BCL9: variants seen among roughly 807,000 people sequenced by gnomAD.
The protein encoded by BCL9 is BCL9 transcription coactivator, also known as B-cell CLL/lymphoma 9 protein.
Under a neutral mutation model 88.5 loss-of-function variants are expected in BCL9, and 25 were observed. The observed-to-expected ratio is 0.28, with a 90% CI of 0.21 to 0.39. The LOEUF (loss-of-function observed/expected upper bound fraction) is 0.39, where lower values mean the gene tolerates loss of function less well. Among genes scored for constraint, BCL9 ranks in the 10% least tolerant of loss-of-function variants. The pLI, the probability that BCL9 is intolerant of heterozygous loss-of-function variation, is 1.00. For missense variants in BCL9, 1,817 were observed against 1,877.8 expected (o/e 0.97, Z 0.60); for synonymous variants, 711 against 673.3 (o/e 1.06, Z -0.87).
At chr1:147,608,681 GA>G (rs1274032581) in intron 3 of BCL9, among the ~76,000 whole-genome samples, 1 of 152,192 alleles carries the variant, frequency 6.6e-6, no homozygotes, top group Non-Finnish European at 1.5e-5. Context: ...AGGAGACGTA[GA>G]AGGTATTTTG....
chr1:147,543,954 C>T (rs1476086816), intron 1 of BCL9, among the ~76,000 whole-genome samples: 2 of 152,184 alleles, frequency 1.3e-5, no homozygotes, highest in East Asian at 3.9e-4. Flanking sequence ...CTGCTCATGT[C>T]ATCAAATGGT....
At chr1:147,602,655 T>C (rs1446832886) in intron 1 of BCL9, among the ~76,000 whole-genome samples, 1 of 152,132 alleles carries the variant, frequency 6.6e-6, no homozygotes, top group Non-Finnish European at 1.5e-5. Flanking sequence ...ATGATAATGG[T>C]TTCAAAAGAG....
chr1:147,579,106 T>C (rs923074779), intron 1 of BCL9, among the ~76,000 whole-genome samples: 2 of 152,156 alleles, frequency 1.3e-5, no homozygotes, highest in Admixed American at 1.3e-4. Context: ...CCTCAAGTGA[T>C]CCACCTGCCT....
chr1:147,571,252 A>C (rs1290502399), intron 1 of BCL9, among the ~76,000 whole-genome samples: 1 of 151,952 alleles, frequency 6.6e-6, no homozygotes, highest in Non-Finnish European at 1.5e-5. Context: ...TATTATCCCC[A>C]TTTTACCTAG....
Position 147,624,903 on chromosome 1 carries a change from G to A in BCL9, c.4225G>A (p.Val1409Met), listed in dbSNP as rs782585337. 8.7e-6 allele frequency: 14 copies of A among 1,613,502 alleles called. No homozygotes were observed. Among genetic ancestry groups the A allele is most frequent in the Middle Eastern group, 1.6e-4 (1 of 6,082 alleles). ...QMRPRGMAADVGMGGFSQGPG... is the reference protein window; with the variant it reads ...QMRPRGMAADMGMGGFSQGPG... Reference sequence around the variant, plus strand: ...GAGGCCCCGGGGCATGGCTGCTGACGTGGGCATGGGTGGATTTAGCCAAGG... The same window carrying A: ...GAGGCCCCGGGGCATGGCTGCTGACATGGGCATGGGTGGATTTAGCCAAGG... The change falls in exon 10 of 10, where the codon GTG (valine) becomes ATG (methionine). Residue 1409 changes from valine to methionine, a missense_variant. Val to Met is a conservative substitution (Grantham distance 21, BLOSUM62 1). Transcript: ENST00000234739. The surrounding 1 kb of genome is among the most constrained non-coding windows in gnomAD (Gnocchi z 4.4).
chr1:147,599,608 C>G (rs1413902394), intron 1 of BCL9, among the ~76,000 whole-genome samples: 1 of 152,126 alleles, frequency 6.6e-6, no homozygotes, highest in African/African-American at 2.4e-5. Flanking sequence ...CCTCCCGCCC[C>G]GCCGGCCCCT....
chr1:147,584,523 C>T (rs1553198954), intron 1 of BCL9, among the ~76,000 whole-genome samples: 1 of 151,570 alleles, frequency 6.6e-6, no homozygotes, highest in African/African-American at 2.4e-5. Flanking sequence ...TTTTTTAATC[C>T]ACTTATCTGT....
intron 1 of BCL9, among the ~76,000 whole-genome samples, chr1:147,553,901 T>A (rs1654994618): frequency 6.6e-6 from 1 of 152,192 alleles, no homozygotes; most frequent in Non-Finnish European, 1.5e-5. Context: ...TTTGAAATTT[T>A]ATGTAGACAA....
Position 147,620,386 on chromosome 1 carries a change from C to T in BCL9, c.2231C>T (p.Pro744Leu). The change falls in exon 8 of 10, where the codon CCT becomes CTT. Residue 744 changes from proline (P) to leucine (L), a missense_variant. By Grantham distance (98) the Pro-to-Leu change is moderately conservative (BLOSUM62 -3). Coordinates refer to ENST00000234739, the MANE Select transcript of BCL9 (RefSeq NM_004326.4). ...PQKMREAGAG[P>L]EEMLKLRPGG... ...AAGATGAGAGAGGCTGGGGCGGGCC[C>T]TGAGGAGATGCTGAAATTACGCCCA... is the stretch of plus-strand genomic sequence containing the variant. 1 of 1,614,154 alleles carries T rather than the reference C, an allele frequency of 6.2e-7. No homozygotes were observed. Among genetic ancestry groups the T allele is most frequent in the Non-Finnish European group, 8.5e-7 (1 of 1,180,014 alleles).
intron 1 of BCL9, among the ~76,000 whole-genome samples, chr1:147,553,309 C>T (rs1654974467): frequency 1.3e-5 from 2 of 152,136 alleles, no homozygotes; most frequent in Admixed American, 1.3e-4. Flanking sequence ...TCTCTTTTCC[C>T]AAACTCTGCA....
intron 7 of BCL9, among the ~76,000 whole-genome samples, chr1:147,618,316 A>C (rs1658396249): frequency 6.6e-6 from 1 of 152,168 alleles, no homozygotes; most frequent in South Asian, 2.1e-4. Context: ...CGGCTGGTAG[A>C]ATACAGAGCT....
intron 1 of BCL9, among the ~76,000 whole-genome samples, chr1:147,548,193 G>A (rs1654692440): frequency 6.6e-6 from 1 of 152,086 alleles, no homozygotes; most frequent in Middle Eastern, 3.2e-3. Context: ...ATATGTTTGA[G>A]GAGAGAAATT....
rs782298752 is a variant in BCL9 at position 147,618,790 on chromosome 1, T to C, written c.661-26T>C. The C allele has an allele frequency of 4.0e-6, 6 of 1,505,736 alleles. No homozygotes were observed. The African/African-American group carries it at 8.4e-5, about 21-fold the overall frequency. The allele number at this position is 1,505,736 out of a possible 1,614,324, so 93.3% of individuals were successfully genotyped here. A position where few individuals can be genotyped will look rare whatever the true frequency, so the allele number is the denominator to read the frequency against. On this transcript the variant is annotated intron_variant, in intron 7 of 9. Coordinates refer to ENST00000234739, the MANE Select transcript of BCL9 (RefSeq NM_004326.4). ...GCCCTTCTGTTCAGTTTACTAATGA[T>C]TTTTAAACTATTTGTTTGTCTTCAG... is the stretch of plus-strand genomic sequence containing the variant.
chr1:147,589,771 A>G (rs1656770607), intron 1 of BCL9, among the ~76,000 whole-genome samples: 2 of 152,208 alleles, frequency 1.3e-5, no homozygotes, highest in African/African-American at 4.8e-5. Flanking sequence ...CTTTTTGGCT[A>G]TTAGGAATAA....
intron 4 of BCL9, 72 bp from the exon 5 acceptor site, chr1:147,612,810 AC>A: frequency 1.4e-6 from 2 of 1,474,000 alleles, no homozygotes; most frequent in East Asian, 4.5e-5. Context: ...CCCAATAGAA[AC>A]TGCCTCTCTC....
At chr1:147,567,269 G>T (rs1423316380) in intron 1 of BCL9, among the ~76,000 whole-genome samples, 1 of 152,148 alleles carries the variant, frequency 6.6e-6, no homozygotes, top group African/African-American at 2.4e-5. Context: ...GGACTGTACA[G>T]AATTGAAGAA....
chr1:147,585,377 G>A (rs1195271350), intron 1 of BCL9, among the ~76,000 whole-genome samples: 1 of 152,096 alleles, frequency 6.6e-6, no homozygotes, highest in Non-Finnish European at 1.5e-5. Context: ...GGACCTCAGG[G>A]GTGTGACATG....
At chr1:147,600,922 T>C (rs1553201180) in intron 1 of BCL9, among the ~76,000 whole-genome samples, 9 of 152,048 alleles carry the variant, frequency 5.9e-5, no homozygotes. Flanking sequence ...GGAGCCTGAG[T>C]CACTGGCCTT....
At chr1:147,592,580 G>A (rs2101574514) in intron 1 of BCL9, among the ~76,000 whole-genome samples, 1 of 152,298 alleles carries the variant, frequency 6.6e-6, no homozygotes, top group African/African-American at 2.4e-5. Flanking sequence ...TCCAAAGTAT[G>A]AACTTCTAAT....
Sources: gnomAD v4.1 joint callset for allele counts (sites outside exome capture counted in the v4.1 genomes callset) on GRCh38, gnomAD v4.1.1 for gene constraint, Gnocchi (gnomAD v3.1) non-coding constraint, MANE v1.5 for transcripts, NCBI Gene and HGNC (gene_info 2026-07-23, HGNC 2026-07-21) for gene names.